RBMS3: variants seen among roughly 807,000 people sequenced by gnomAD.
RBMS3 encodes RNA binding motif single stranded interacting protein 3.
Under a neutral mutation model 66.8 loss-of-function variants are expected in RBMS3, and 27 were observed. The observed-to-expected ratio is 0.40, with a 90% CI of 0.30 to 0.56. The LOEUF (loss-of-function observed/expected upper bound fraction) is 0.56. Among genes scored for constraint, RBMS3 ranks in the 20% least tolerant of loss-of-function variants. The probability of loss-of-function intolerance (pLI) is 0.40; values close to 1 mark genes in which losing one functional copy is unlikely to be tolerated. For synonymous variants in RBMS3, 188 were observed against 183.0 expected, an observed-to-expected ratio of 1.03 and a Z score of -0.22; for missense variants, 513 against 549.5, an observed-to-expected ratio of 0.93 and a Z score of 0.66.
intron 6 of RBMS3, 24 bp downstream of exon 6, chr3:29,763,013 C>T (rs750732160): frequency 4.0e-6 from 6 of 1,489,784 alleles, no homozygotes; most frequent in Middle Eastern, 1.7e-4. Flanking sequence ...TAATAAGTGA[C>T]TGAATGATGC....
At chr3:29,913,271 A>C (rs1048733774) in intron 10 of RBMS3, among the ~76,000 whole-genome samples, 3 of 152,014 alleles carry the variant, frequency 2.0e-5, no homozygotes, top group African/African-American at 7.2e-5. Context: ...AAACCATTCT[A>C]TCTTACAATA....
At chr3:29,749,702 C>G (rs115504137) in intron 5 of RBMS3, among the ~76,000 whole-genome samples, 3,564 of 152,242 alleles carry the variant, frequency 0.023, 57 homozygotes, top group Middle Eastern at 0.034. Flanking sequence ...TGTAAGAGAA[C>G]CATGTAAAAA....
intron 1 of RBMS3, among the ~76,000 whole-genome samples, chr3:29,413,853 A>C (rs566395340): frequency 7.2e-5 from 11 of 152,200 alleles, no homozygotes; most frequent in Non-Finnish European, 1.0e-4. Context: ...TTCCTTTTCC[A>C]TAAGATAATA....
chr3:29,545,789 TC>T (rs994093259), intron 3 of RBMS3, among the ~76,000 whole-genome samples: 14 of 152,340 alleles, frequency 9.2e-5, no homozygotes, highest in African/African-American at 3.4e-4. Context: ...AGAAAATATC[TC>T]ACAAGTTTGT....
intron 1 of RBMS3, among the ~76,000 whole-genome samples, chr3:29,356,663 T>A (rs1209448749): frequency 3.3e-5 from 5 of 152,182 alleles, no homozygotes; most frequent in African/African-American, 1.2e-4. Context: ...TTTAAAAAGT[T>A]AGTAGTGTTT....
rs569034366 is a variant in RBMS3 at position 29,281,310 on chromosome 3, G to T, written c.-372G>T. The T allele has an allele frequency of 2.3e-4, 25 of 109,074 alleles. No individual in the cohort carries two copies. The highest frequency in any genetic ancestry group is 1.9e-3 in the African/African-American group (24 of 12,618). 6.8% of individuals were successfully genotyped at this position (109,074 alleles called of 1,614,324 possible). A position where few individuals can be genotyped will look rare whatever the true frequency, so the allele number is the denominator to read the frequency against. On this transcript the variant is annotated 5_prime_UTR_variant, in exon 1 of 15. Coordinates refer to ENST00000383767, the MANE Select transcript of RBMS3 (RefSeq NM_001003793.3). ...TTCGGAGTTGTGCTAAAAGGACTTT[G>T]ATTTTTTTCCCCCTTTACGAACGCT...
chr3:29,324,504 A>G (rs775220329), intron 1 of RBMS3, among the ~76,000 whole-genome samples: 2 of 152,164 alleles, frequency 1.3e-5, no homozygotes, highest in Non-Finnish European at 2.9e-5. Context: ...TGGAACGGCC[A>G]TGTCCTGGGT....
intron 3 of RBMS3, among the ~76,000 whole-genome samples, chr3:29,571,103 C>A (rs141293849): frequency 1.2e-4 from 19 of 152,074 alleles, no homozygotes; most frequent in Non-Finnish European, 2.5e-4. Flanking sequence ...TTTCCATATG[C>A]CTGTTTGCCA....
At chr3:29,900,920 T>G (rs920002786) in intron 10 of RBMS3, among the ~76,000 whole-genome samples, 2 of 151,758 alleles carry the variant, frequency 1.3e-5, no homozygotes, top group East Asian at 3.9e-4. Context: ...TTTCCTGAAC[T>G]CAGAAAATTA....
chr3:29,853,896 G>A (rs574031898), intron 6 of RBMS3, among the ~76,000 whole-genome samples: 8 of 152,250 alleles, frequency 5.3e-5, no homozygotes, highest in Admixed American at 3.9e-4. Context: ...GGAGACCTGG[G>A]TGATCAGCTT....
chr3:29,522,819 G>C (rs2044915716), intron 3 of RBMS3, among the ~76,000 whole-genome samples: 1 of 152,170 alleles, frequency 6.6e-6, no homozygotes, highest in Non-Finnish European at 1.5e-5. Flanking sequence ...GCATGAGACT[G>C]GTTCTATAGA....
At chr3:29,685,120 G>A (rs559118365) in intron 4 of RBMS3, among the ~76,000 whole-genome samples, 57 of 152,086 alleles carry the variant, frequency 3.7e-4, no homozygotes, top group African/African-American at 1.3e-3. Flanking sequence ...GTGCAGTGGC[G>A]CGATCTCGGC....
Position 29,659,097 on chromosome 3 carries a change from A to G in RBMS3, c.399+71892A>G, listed in dbSNP as rs147574343. Among the ~76,000 whole-genome samples the G allele has an allele frequency of 5.8e-3, 885 of 152,344 alleles. 9 individuals carry two copies. Among genetic ancestry groups the G allele is most frequent in the African/African-American group, 0.019 (797 of 41,570 alleles). On this transcript the variant is annotated intron_variant, in intron 4 of 14. Coordinates refer to ENST00000383767, the MANE Select transcript of RBMS3 (RefSeq NM_001003793.3). ...CTCCCGAAGTGCTGGGATTCGAGGC[A>G]TGAGCCACAGCGCCCAGCCTTTATT... is the stretch of plus-strand genomic sequence containing the variant.
intron 1 of RBMS3, among the ~76,000 whole-genome samples, chr3:29,376,950 G>C (rs575818728): frequency 2.6e-5 from 4 of 151,900 alleles, no homozygotes; most frequent in African/African-American, 9.7e-5. Context: ...TTAGCCGGAC[G>C]TGGTGGCGGA....
At chr3:29,376,924 A>G (rs555271213) in intron 1 of RBMS3, among the ~76,000 whole-genome samples, 7 of 151,662 alleles carry the variant, frequency 4.6e-5, no homozygotes, top group Non-Finnish European at 1.0e-4. Flanking sequence ...AAAAACAACA[A>G]CAAAATACAA....
At chr3:29,358,397 T>G (rs1414387628) in intron 1 of RBMS3, among the ~76,000 whole-genome samples, 1 of 152,196 alleles carries the variant, frequency 6.6e-6, no homozygotes, top group African/African-American at 2.4e-5. Flanking sequence ...TCTGTTCCAT[T>G]GGTCTGTATC....
At chr3:29,730,946 G>T in intron 4 of RBMS3, 1 of 985,322 alleles carries the variant, frequency 1.0e-6, no homozygotes, top group Non-Finnish European at 1.2e-6. Context: ...TTCATGAGGT[G>T]TATATGGAGG....
At chr3:29,755,745 C>G (rs1311864864) in intron 5 of RBMS3, among the ~76,000 whole-genome samples, 1 of 152,162 alleles carries the variant, frequency 6.6e-6, no homozygotes, top group Non-Finnish European at 1.5e-5. Context: ...GAAAACCACT[C>G]AGATTTCTCT....
chr3:29,304,580 A>G (rs2033891116), intron 1 of RBMS3, among the ~76,000 whole-genome samples: 1 of 151,874 alleles, frequency 6.6e-6, no homozygotes, highest in Non-Finnish European at 1.5e-5. Context: ...GAAATAAATT[A>G]CTCGTCCATG....
Sources: gnomAD v4.1 joint callset for allele counts (sites outside exome capture counted in the v4.1 genomes callset) on GRCh38, gnomAD v4.1.1 for gene constraint, MANE v1.5 for transcripts, NCBI Gene and HGNC (gene_info 2026-07-23, HGNC 2026-07-21) for gene names.